Variants in CDK5RAP3 observed in about 807,000 individuals in gnomAD.
CDK5RAP3 encodes CDK5 regulatory subunit associated protein 3.
In CDK5RAP3, 58 loss-of-function variants were observed where a neutral mutation model predicts 73.3. The ratio of observed to expected loss-of-function variants is 0.79; its 90% CI spans 0.64 to 0.98. CDK5RAP3 has a LOEUF of 0.98. Among genes scored for constraint, CDK5RAP3 ranks in the 50% least tolerant of loss-of-function variants. The pLI, the probability that CDK5RAP3 is intolerant of heterozygous loss-of-function variation, is 0.00. For missense variants in CDK5RAP3, 525 were observed against 615.8 expected (o/e 0.85, Z 1.56); for synonymous variants, 224 against 247.5 (o/e 0.91, Z 0.89).
upstream of CDK5RAP3, among the ~76,000 whole-genome samples, chr17:47,968,411 T>C (rs1224307591): frequency 6.6e-6 from 1 of 151,942 alleles, no homozygotes; most frequent in African/African-American, 2.4e-5. Flanking sequence ...GCCTCCCAAG[T>C]TCAGGTGATT....
Position 47,981,505 on chromosome 17 carries a change from C to T in CDK5RAP3, c.*3C>T, listed in dbSNP as rs2036555187. 2 of 1,614,226 alleles carry T rather than the reference C, an allele frequency of 1.2e-6. No individual in the cohort carries two copies. Among genetic ancestry groups the T allele is most frequent in the Admixed American group, 1.7e-5 (1 of 60,016 alleles). The stretch of plus-strand genomic sequence containing the variant: ...ACCTGATGGGAACCTCTCTGTGACA[C>T]CCTCCGTGTTCTTGCCTGCCCATCT... On this transcript the variant is annotated 3_prime_UTR_variant, in exon 14 of 14. Transcript: ENST00000338399.
rs1226425361 is a variant in CDK5RAP3, at chr17:47,976,758, ACT to A, written c.848_849del (p.Ser283TrpfsTer25). The stretch of plus-strand genomic sequence containing the variant: ...GTAGAGGCAGTGTCTGAGGGGACTG[ACT>A]CTGGCATCTCTGCCGAGGCTGCTGG... On this transcript the variant is annotated frameshift_variant, in exon 9 of 14. Transcript: ENST00000338399. LOFTEE classifies it high-confidence loss of function. The A allele has an allele frequency of 5.0e-6, 8 of 1,612,660 alleles. No individual in the cohort carries two copies. The highest frequency in any genetic ancestry group is 6.8e-6 in the Non-Finnish European group (8 of 1,179,372).
chr17:47,969,253 T>C (rs1283972640), upstream of CDK5RAP3, among the ~76,000 whole-genome samples: 3 of 151,848 alleles, frequency 2.0e-5, no homozygotes, highest in African/African-American at 7.3e-5. Context: ...GGGGAAGGAA[T>C]ATTTAGAAAT....
Position 47,980,574 on chromosome 17 carries a change from A to T in CDK5RAP3, c.1078-19A>T. The T allele has an allele frequency of 6.2e-7, 1 of 1,610,978 alleles. No individual in the cohort carries two copies. The highest frequency in any genetic ancestry group is 8.5e-7 in the Non-Finnish European group (1 of 1,178,840). On this transcript the variant is annotated intron_variant, in intron 11 of 13. Transcript: ENST00000338399. ...GAGCCATCATGTACAGCCTGAACCA[A>T]TCTTTCTTCTGTCCTCAGCTTGAGA...
intron 2 of CDK5RAP3, 91 bp from the exon 3 acceptor site, chr17:47,973,428 T>A: frequency 6.8e-7 from 1 of 1,479,436 alleles, no homozygotes. Context: ...AAGAAAACTT[T>A]TAGACTAATT....
intron 2 of CDK5RAP3, 34 bp from the exon 3 acceptor site, chr17:47,973,485 T>C: frequency 1.2e-6 from 2 of 1,603,300 alleles, no homozygotes; most frequent in Non-Finnish European, 1.7e-6. Context: ...GTGATGTGAA[T>C]GGGAATGCTC....
chr17:47,980,527 A>G, intron 11 of CDK5RAP3, 66 bp from the exon 12 acceptor site: 2 of 1,473,076 alleles, frequency 1.4e-6, no homozygotes, highest in Non-Finnish European at 1.9e-6. Context: ...TTGGCCTCCC[A>G]CAGTGCTGGA....
At chr17:47,970,869 AGC>A (rs1219975364), upstream of CDK5RAP3, 5 of 1,422,252 alleles carry the variant, frequency 3.5e-6, no homozygotes, top group Non-Finnish European at 3.7e-6. Flanking sequence ...CGGCCGCTGC[AGC>A]GCACCCCCTC....
chr17:47,980,125 C>G lies in CDK5RAP3; in HGVS notation c.1078-468C>G, dbSNP rs148595544. 1.4e-3 allele frequency: 232 copies of G among 166,344 alleles called. 2 individuals are homozygous for G. Among genetic ancestry groups the G allele is most frequent in the African/African-American group, 5.1e-3 (213 of 41,704 alleles). 10.3% of individuals were successfully genotyped at this position (166,344 alleles called of 1,614,324 possible). A position where few individuals can be genotyped will look rare whatever the true frequency, so the allele number is the denominator to read the frequency against. ...ATAGGAGGTGGGGACTGAAGGGTGA[C>G]AGTAGTCTCTCCTAGCGCTTACAGT... On this transcript the variant is annotated intron_variant, in intron 11 of 13. Coordinates refer to ENST00000338399, the MANE Select transcript of CDK5RAP3 (RefSeq NM_176096.3).
chr17:47,975,902 C>A lies in CDK5RAP3; in HGVS notation c.687C>A (p.Phe229Leu). ...AGCAGGTGTTGCCAATGCTGCGGTT[C>A]GTGCAGAAGCGGGGAAACTCAACGG... ...PTEQVLPMLR[F>L]VQKRGNSTVY... The change falls in exon 8 of 14, where the codon TTC becomes TTA. Residue 229 changes from phenylalanine (F) to leucine (L), a missense_variant. This residue lies in a region of CDK5RAP3 where 409 missense variants were observed against 429.8 expected (regional missense o/e 0.95). Transcript: ENST00000338399. 1 of 1,614,198 alleles carries A rather than the reference C, an allele frequency of 6.2e-7. No homozygotes were observed. The highest frequency in any genetic ancestry group is 1.7e-4 in the Middle Eastern group (1 of 6,058).
chr17:47,968,401 G>A (rs1488621898), upstream of CDK5RAP3, among the ~76,000 whole-genome samples: 2 of 152,158 alleles, frequency 1.3e-5, no homozygotes, highest in East Asian at 1.9e-4. Flanking sequence ...TGCAACCTCC[G>A]CCTCCCAAGT....
At chr17:47,971,854 G>T (rs1029678705) in intron 2 of CDK5RAP3, among the ~76,000 whole-genome samples, 6 of 152,142 alleles carry the variant, frequency 3.9e-5, no homozygotes, top group African/African-American at 1.4e-4. Flanking sequence ...AAGTAGCCGG[G>T]CATGGGAGCA....
At chr17:47,977,445 G>A (rs2036442251) in intron 9 of CDK5RAP3, among the ~76,000 whole-genome samples, 1 of 152,130 alleles carries the variant, frequency 6.6e-6, no homozygotes, top group Non-Finnish European at 1.5e-5. Context: ...ACCGCGCCCG[G>A]CTAATTTTTG....
At chr17:47,981,013 G>A in intron 12 of CDK5RAP3, 150 bp from the exon 13 acceptor site, 1 of 931,830 alleles carries the variant, frequency 1.1e-6, no homozygotes, top group Non-Finnish European at 1.6e-6. Context: ...AACTGGGAGT[G>A]GGTTTTCCTT....
intron 9 of CDK5RAP3, 61 bp downstream of exon 9, chr17:47,976,883 C>A: frequency 8.9e-7 from 1 of 1,126,186 alleles, no homozygotes; most frequent in Non-Finnish European, 1.3e-6. Context: ...AGAAAAGTGT[C>A]ATTTGTGTCT....
intron 5 of CDK5RAP3, chr17:47,974,882 A>G: frequency 7.4e-7 from 1 of 1,347,468 alleles, no homozygotes; most frequent in Non-Finnish European, 9.6e-7. Context: ...ATAATGGCTA[A>G]TATTTCCTGA....
In CDK5RAP3 at chr17:47,981,511, G is replaced by T. The variant is rs763074266; in HGVS notation, c.*9G>T. 9 of 1,614,086 alleles carry T rather than the reference G, an allele frequency of 5.6e-6. No individual in the cohort carries two copies. In the African/African-American group the frequency reaches 1.2e-4, roughly 22 times the overall value. On this transcript the variant is annotated 3_prime_UTR_variant, in exon 14 of 14. Coordinates refer to ENST00000338399, the MANE Select transcript of CDK5RAP3 (RefSeq NM_176096.3). ...TGGGAACCTCTCTGTGACACCCTCCGTGTTCTTGCCTGCCCATCTTCTCCG... is the reference window on the plus strand; with the variant it reads ...TGGGAACCTCTCTGTGACACCCTCCTTGTTCTTGCCTGCCCATCTTCTCCG...
chr17:47,970,680 T>C, upstream of CDK5RAP3: 3 of 1,535,732 alleles, frequency 2.0e-6, no homozygotes, highest in Non-Finnish European at 2.6e-6. Context: ...ACAAGAGACC[T>C]GCACACTGCT....
chr17:47,971,222 C>T, intron 1 of CDK5RAP3, 70 bp downstream of exon 1: 2 of 1,529,580 alleles, frequency 1.3e-6, no homozygotes, highest in Non-Finnish European at 1.8e-6. Context: ...CGGTCTCCCT[C>T]CGGAAGCGGC....
Sources: gnomAD v4.1 joint callset for allele counts (sites outside exome capture counted in the v4.1 genomes callset) on GRCh38, gnomAD v4.1.1 for gene constraint, gnomAD v4.1.1 regional missense constraint, MANE v1.5 for transcripts, NCBI Gene and HGNC (gene_info 2026-07-23, HGNC 2026-07-21) for gene names.